The following SMC1B variants were observed in gnomAD, a reference collection of about 807,000 sequenced individuals.
SMC1B encodes the protein structural maintenance of chromosomes 1B.
Under a neutral mutation model 157.9 loss-of-function variants are expected in SMC1B, and 60 were observed. The observed-to-expected ratio is 0.38, with a 90% CI of 0.31 to 0.47. The LOEUF (loss-of-function observed/expected upper bound fraction) is 0.47. SMC1B is among the 20% of genes least tolerant of loss of function. The probability of loss-of-function intolerance (pLI) is 0.99; values close to 1 mark genes in which losing one functional copy is unlikely to be tolerated. For synonymous variants in SMC1B, 445 were observed against 483.0 expected (o/e 0.92, Z 1.03); for missense variants, 1,165 against 1,426.2 (o/e 0.82, Z 2.95).
chr22:45,386,790 G>A (rs2086993901), intron 11 of SMC1B, 77 bp downstream of exon 11: 3 of 1,258,358 alleles, frequency 2.4e-6, no homozygotes, highest in Non-Finnish European at 2.2e-6. Context: ...GTAAATATTT[G>A]TGTGTGTTTG....
chr22:45,409,717 A>G (rs1459637931), intron 1 of SMC1B, among the ~76,000 whole-genome samples: 1 of 152,192 alleles, frequency 6.6e-6, no homozygotes, highest in Non-Finnish European at 1.5e-5. Context: ...TGATACTGTT[A>G]TCTTTTGAAA....
chr22:45,350,188 T>C (rs2146756275), intron 22 of SMC1B, among the ~76,000 whole-genome samples: 1 of 152,134 alleles, frequency 6.6e-6, no homozygotes, highest in South Asian at 2.1e-4. Context: ...CTCAGGGTTT[T>C]AAATACCACC....
At chr22:45,357,042 A>T (rs773834838) in intron 19 of SMC1B, among the ~76,000 whole-genome samples, 2 of 152,034 alleles carry the variant, frequency 1.3e-5, no homozygotes, top group Non-Finnish European at 2.9e-5. Context: ...CTGATACTTA[A>T]TTTTTTATAT....
chr22:45,347,572 C>A (rs539330519), intron 23 of SMC1B, among the ~76,000 whole-genome samples: 1 of 152,072 alleles, frequency 6.6e-6, no homozygotes, highest in Non-Finnish European at 1.5e-5. Context: ...ACATCACTCA[C>A]AAGACTAGGT....
chr22:45,353,330 T>G (rs2086634010), intron 21 of SMC1B, among the ~76,000 whole-genome samples: 1 of 151,222 alleles, frequency 6.6e-6, no homozygotes, highest in Non-Finnish European at 1.5e-5. Flanking sequence ...CTTACTTTAC[T>G]GAAAGTAAGT....
In SMC1B at chr22:45,396,439, A is replaced by G; in HGVS notation, c.1161T>C (p.Ala387=). ...GTTTTTCCAGTTGTTGAGTCATTGTAGCTACTTTCTTTCTTACTTGTTCCT... is the reference window on the plus strand; with the variant it reads ...GTTTTTCCAGTTGTTGAGTCATTGTGGCTACTTTCTTTCTTACTTGTTCCT... ...ELKEQVRKKV[A]TMTQQLEKLQ... is the part of the protein sequence containing the mutation. Residue 387 remains alanine (A), a synonymous_variant, in exon 7 of 25, where the codon GCT becomes GCC. Transcript: ENST00000357450. 6.2e-7 allele frequency: 1 copy of G among 1,613,178 alleles called. No homozygotes were observed. The highest frequency in any genetic ancestry group is 8.5e-7 in the Non-Finnish European group (1 of 1,179,592).
intron 1 of SMC1B, among the ~76,000 whole-genome samples, chr22:45,411,070 A>G (rs1029194332): frequency 2.0e-5 from 3 of 152,248 alleles, no homozygotes; most frequent in South Asian, 2.1e-4. Flanking sequence ...GCCTAAAATA[A>G]ATACTTCTCA....
intron 17 of SMC1B, among the ~76,000 whole-genome samples, chr22:45,360,833 T>G (rs1467847410): frequency 1.3e-5 from 2 of 152,228 alleles, no homozygotes; most frequent in Admixed American, 1.3e-4. Flanking sequence ...AAACAGAGAA[T>G]TAACTTTGTC....
At chr22:45,346,547 G>C (rs1346744399) in intron 23 of SMC1B, among the ~76,000 whole-genome samples, 1 of 152,198 alleles carries the variant, frequency 6.6e-6, no homozygotes, top group Non-Finnish European at 1.5e-5. Flanking sequence ...CAAAGATCCT[G>C]TGGACACAAG....
At chr22:45,357,461 A>T (rs527662971) in intron 19 of SMC1B, among the ~76,000 whole-genome samples, 34 of 152,348 alleles carry the variant, frequency 2.2e-4, no homozygotes, top group African/African-American at 7.2e-4. Flanking sequence ...GTGTCTACTA[A>T]GGGTACTGCA....
intron 15 of SMC1B, among the ~76,000 whole-genome samples, chr22:45,368,548 C>G (rs373903714): frequency 6.8e-6 from 1 of 147,940 alleles, no homozygotes; most frequent in Non-Finnish European, 1.5e-5. Context: ...GACCGAGTCT[C>G]GCTCTGTCAC....
At chr22:45,398,455 C>T (rs2087152867) in intron 6 of SMC1B, among the ~76,000 whole-genome samples, 1 of 152,172 alleles carries the variant, frequency 6.6e-6, no homozygotes, top group Admixed American at 6.5e-5. Context: ...AGGGTGTCTC[C>T]TGCAGTGAAC....
chr22:45,389,005 GAAAAAGA>G (rs1486478644), intron 10 of SMC1B, among the ~76,000 whole-genome samples: 2 of 95,978 alleles, frequency 2.1e-5, no homozygotes, highest in East Asian at 6.4e-4. Context: ...AAAAAAAAAA[GAAAAAGA>G]AAAAAGAAAA....
At chr22:45,352,667 T>C in intron 21 of SMC1B, 65 bp from the exon 22 acceptor site, 1 of 1,464,640 alleles carries the variant, frequency 6.8e-7, no homozygotes, top group Non-Finnish European at 9.3e-7. Context: ...ACTTGGAGTT[T>C]AACTGCAAAA....
chr22:45,359,724 G>C, intron 18 of SMC1B, 81 bp downstream of exon 18: 1 of 1,466,938 alleles, frequency 6.8e-7, no homozygotes, highest in South Asian at 1.3e-5. Flanking sequence ...AGGGGCTACA[G>C]AACAAGAGAA....
At chr22:45,344,726 T>C in intron 24 of SMC1B, 69 bp from the exon 25 acceptor site, 1 of 1,032,142 alleles carries the variant, frequency 9.7e-7, no homozygotes, top group East Asian at 2.4e-5. Context: ...GTAAGAGCCA[T>C]TAGTGAGTCT....
rs754488737 is a variant in SMC1B at position 45,386,894 on chromosome 22, A to G, written c.1884T>C (p.Ile628=). The G allele has an allele frequency of 5.6e-6, 9 of 1,613,922 alleles. No individual in the cohort carries two copies. Among genetic ancestry groups the G allele is most frequent in the Non-Finnish European group, 7.6e-6 (9 of 1,179,970 alleles). ...TCTGTCTTTCAGGTCCACTGAGTGC[A>G]ATATGCCTTGCTTCTTCCATAGTCT... ...VCETMEEARH[I]ALSGPERQKT... is the part of the protein sequence containing the mutation. Residue 628 remains isoleucine, a synonymous_variant, in exon 11 of 25, where the codon ATT becomes ATC. Coordinates refer to ENST00000357450, the MANE Select transcript of SMC1B (RefSeq NM_148674.5).
intron 15 of SMC1B, among the ~76,000 whole-genome samples, chr22:45,367,409 C>A (rs993094086): frequency 6.6e-6 from 1 of 152,060 alleles, no homozygotes; most frequent in African/African-American, 2.4e-5. Context: ...GGGGGAGATC[C>A]TAAAGGGGAT....
rs767838279 is a variant in SMC1B, at chr22:45,358,767, G to T, written c.2891C>A (p.Ala964Glu). 8.7e-6 allele frequency: 14 copies of T among 1,612,764 alleles called. No individual in the cohort carries two copies. The highest frequency in any genetic ancestry group is 1.6e-4 in the Middle Eastern group (1 of 6,074). Residue 964 changes from alanine to glutamate, a missense_variant, in exon 19 of 25, where the codon GCA becomes GAA. Ala to Glu is a moderately radical substitution (Grantham distance 107). Coordinates refer to ENST00000357450, the MANE Select transcript of SMC1B (RefSeq NM_148674.5). Reference protein sequence around the residue: ...EMGTEAESTQATIDIYEKEEA... With the variant: ...EMGTEAESTQETIDIYEKEEA... ...TTCTTTTTCATAGATATCAATTGTTGCCTGGGTACTTTCTGCTTCAGTTCC... is the reference window on the plus strand; with the variant it reads ...TTCTTTTTCATAGATATCAATTGTTTCCTGGGTACTTTCTGCTTCAGTTCC...
Sources: gnomAD v4.1 joint callset for allele counts (sites outside exome capture counted in the v4.1 genomes callset) on GRCh38, gnomAD v4.1.1 for gene constraint, MANE v1.5 for transcripts, NCBI Gene and HGNC (gene_info 2026-07-23, HGNC 2026-07-21) for gene names.